The following BRAF variants were observed in gnomAD, a reference collection of about 807,000 sequenced individuals.
BRAF encodes serine/threonine-protein kinase B-raf.
Under a neutral mutation model 104.6 loss-of-function variants are expected in BRAF, and 16 were observed. The ratio of observed to expected loss-of-function variants is 0.15; its 90% CI spans 0.10 to 0.23. BRAF has a LOEUF of 0.23. BRAF is among the 10% of genes least tolerant of loss of function. BRAF has a pLI of 1.00. For synonymous variants in BRAF, 310 were observed against 341.6 expected, an observed-to-expected ratio of 0.91 and a Z score of 1.02; for missense variants, 541 against 937.3, an observed-to-expected ratio of 0.58 and a Z score of 5.52.
At chr7:140,888,198 C>A (rs963303837) in intron 1 of BRAF, among the ~76,000 whole-genome samples, 2 of 152,114 alleles carry the variant, frequency 1.3e-5, no homozygotes, top group Admixed American at 6.6e-5. Context: ...TACACAGGCA[C>A]CCTAACTTAG....
At chr7:140,742,469 C>T (rs1265789528) in intron 17 of BRAF, among the ~76,000 whole-genome samples, 1 of 152,192 alleles carries the variant, frequency 6.6e-6, no homozygotes, top group Non-Finnish European at 1.5e-5. Context: ...GCTGGGGTTA[C>T]AGGTGTGAAC....
chr7:140,794,400 C>G lies in BRAF; in HGVS notation c.1048G>C (p.Asp350His). ...IPIPQPFRPADEDHRNQFGQR... is the reference protein window; with the variant it reads ...IPIPQPFRPAHEDHRNQFGQR... ...CCAAATTGATTTCGATGATCTTCATCTGCTGGTCGGAAGGGCTGTGGAATT... is the reference window on the plus strand; with the variant it reads ...CCAAATTGATTTCGATGATCTTCATGTGCTGGTCGGAAGGGCTGTGGAATT... The change falls in exon 8 of 20, where the codon GAT (aspartate) becomes CAT (histidine). Residue 350 changes from aspartate (D) to histidine (H), a missense_variant. This residue lies in a region of BRAF where 79 missense variants were observed against 74.6 expected (regional missense o/e 1.06). Coordinates refer to ENST00000644969, the MANE Select transcript of BRAF (RefSeq NM_001374258.1). 6.2e-7 allele frequency: 1 copy of G among 1,613,858 alleles called. No homozygotes were observed. Among genetic ancestry groups the G allele is most frequent in the Non-Finnish European group, 8.5e-7 (1 of 1,179,996 alleles).
rs150472921 is a variant in BRAF, at chr7:140,819,003, G to A, written c.505-10008C>T. Among the ~76,000 whole-genome samples the A allele has an allele frequency of 3.3e-4, 50 of 152,246 alleles. 1 individual carries two copies. In the East Asian group the frequency reaches 9.1e-3, roughly 28 times the overall value. ...TCAGTATTTCCCTTTTGTGTCTCTA[G>A]AGCATTCAGTTTTATTCTTGTTATC... is the stretch of plus-strand genomic sequence containing the variant. On this transcript the variant is annotated intron_variant, in intron 3 of 19. Coordinates refer to ENST00000644969, the MANE Select transcript of BRAF (RefSeq NM_001374258.1).
intron 1 of BRAF, among the ~76,000 whole-genome samples, chr7:140,894,788 T>C (rs1375248945): frequency 1.3e-5 from 2 of 151,670 alleles, no homozygotes; most frequent in African/African-American, 4.8e-5. Context: ...ATTAAAAAAA[T>C]AAAAAAAGAA....
At chr7:140,886,070 C>T (rs1563017124) in intron 1 of BRAF, among the ~76,000 whole-genome samples, 1 of 152,142 alleles carries the variant, frequency 6.6e-6, no homozygotes, top group Admixed American at 6.5e-5. Flanking sequence ...TGTCCTGAAA[C>T]ACCCATTGTT....
At chr7:140,800,619 T>A in intron 6 of BRAF, 138 bp from the exon 7 acceptor site, 1 of 1,390,476 alleles carries the variant, frequency 7.2e-7, no homozygotes, top group Non-Finnish European at 9.9e-7. Flanking sequence ...GTTGTATTTT[T>A]GTCTAAAGGC....
At chr7:140,731,120 A>ATCC (rs1312150615) in intron 19 of BRAF, 6 of 152,108 alleles carry the variant, frequency 3.9e-5, no homozygotes, top group African/African-American at 1.4e-4. Flanking sequence ...GGTTCAAGGG[A>ATCC]TCCTCCCACG....
At chr7:140,786,969 T>A (rs1401796117) in intron 9 of BRAF, among the ~76,000 whole-genome samples, 2 of 152,210 alleles carry the variant, frequency 1.3e-5, no homozygotes. Context: ...TCTTGTCTGA[T>A]CCTGGAAGAA....
At chr7:140,884,514 C>CT (rs1491380868) in intron 1 of BRAF, among the ~76,000 whole-genome samples, 3 of 150,452 alleles carry the variant, frequency 2.0e-5, no homozygotes, top group Non-Finnish European at 4.4e-5. Flanking sequence ...TAGGGTCTCA[C>CT]TCTGTAGCCC....
chr7:140,843,376 G>A (rs1327801509), intron 2 of BRAF, among the ~76,000 whole-genome samples: 1 of 152,192 alleles, frequency 6.6e-6, no homozygotes, highest in Non-Finnish European at 1.5e-5. Context: ...ATTCAACCAA[G>A]TATCTGACAA....
intron 1 of BRAF, among the ~76,000 whole-genome samples, chr7:140,864,140 A>G (rs1278318792): frequency 9.9e-5 from 15 of 152,218 alleles, no homozygotes; most frequent in Admixed American, 9.8e-4. Flanking sequence ...AGACTAGTTG[A>G]AACTATGATT....
At chr7:140,772,442 C>A (rs1254128999) in intron 14 of BRAF, among the ~76,000 whole-genome samples, 2 of 151,890 alleles carry the variant, frequency 1.3e-5, no homozygotes, top group South Asian at 2.1e-4. Flanking sequence ...GGTGACATGG[C>A]GAAACTCTGT....
At chr7:140,878,574 G>C (rs1434537124) in intron 1 of BRAF, among the ~76,000 whole-genome samples, 2 of 152,092 alleles carry the variant, frequency 1.3e-5, no homozygotes, top group Non-Finnish European at 2.9e-5. Context: ...GTAGAGTAGT[G>C]GTTATCAGAG....
chr7:140,798,066 C>A (rs1802670488), intron 7 of BRAF, among the ~76,000 whole-genome samples: 2 of 152,002 alleles, frequency 1.3e-5, no homozygotes, highest in African/African-American at 2.4e-5. Flanking sequence ...ATGAGATCAC[C>A]AGAAAGGTTG....
chr7:140,739,730 C>A, intron 18 of BRAF, 82 bp downstream of exon 17: 1 of 1,516,170 alleles, frequency 6.6e-7, no homozygotes, highest in Non-Finnish European at 9.1e-7. Flanking sequence ...ATGAAATACA[C>A]ACTGTGTGCC....
intron 14 of BRAF, among the ~76,000 whole-genome samples, chr7:140,776,337 A>C (rs1800335933): frequency 6.6e-6 from 1 of 152,172 alleles, no homozygotes; most frequent in African/African-American, 2.4e-5. Context: ...ATTCATTTGC[A>C]CTTAAGAGTT....
rs544904755 is a variant in BRAF, at chr7:140,881,384, T to C, written c.139-31172A>G. 1.4e-3 allele frequency among the ~76,000 whole-genome samples: 213 copies of C among 152,326 alleles called. 1 individual carries two copies. Among genetic ancestry groups the C allele is most frequent in the Admixed American group, 4.4e-3 (68 of 15,298 alleles). On this transcript the variant is annotated intron_variant, in intron 1 of 19. Transcript: ENST00000644969. ...GATATTCTATCCAGATCACTAAAAC[T>C]TTCTCCATCTCAGCAATTAGGCTGT...
At chr7:140,766,744 T>G (rs911080805) in intron 14 of BRAF, among the ~76,000 whole-genome samples, 2 of 152,098 alleles carry the variant, frequency 1.3e-5, no homozygotes, top group South Asian at 4.2e-4. Flanking sequence ...AGAGACGGGT[T>G]TTGCCATGTT....
chr7:140,779,829 G>C (rs1263921768), intron 12 of BRAF: 1 of 152,228 alleles, frequency 6.6e-6, no homozygotes, highest in Admixed American at 6.5e-5. Context: ...CTACTCAGGA[G>C]GCTGAGGTAG....
Sources: gnomAD v4.1 joint callset for allele counts (sites outside exome capture counted in the v4.1 genomes callset) on GRCh38, gnomAD v4.1.1 for gene constraint, gnomAD v4.1.1 regional missense constraint, MANE v1.5 for transcripts, NCBI Gene and HGNC (gene_info 2026-07-23, HGNC 2026-07-21) for gene names.